The following FANK1 variants were observed in gnomAD, a reference collection of about 807,000 sequenced individuals.
The protein encoded by FANK1 is fibronectin type III and ankyrin repeat domains 1, also known as fibronectin type 3 and ankyrin repeat domains protein 1.
FANK1 carries 44 observed loss-of-function variants against 45.3 expected under a neutral mutation model. That is an observed-to-expected ratio of 0.97 (90% CI 0.76 to 1.25). The LOEUF (loss-of-function observed/expected upper bound fraction) is 1.25. FANK1 is among the 50% of genes most tolerant of loss of function. The probability of loss-of-function intolerance (pLI) is 0.00; values close to 1 mark genes in which losing one functional copy is unlikely to be tolerated. For synonymous variants in FANK1, 149 were observed against 152.5 expected (o/e 0.98, Z 0.17); for missense variants, 391 against 424.4 (o/e 0.92, Z 0.69).
At chr10:125,929,252 A>G (rs1947587822) in intron 1 of FANK1, among the ~76,000 whole-genome samples, 1 of 152,236 alleles carries the variant, frequency 6.6e-6, no homozygotes, top group Non-Finnish European at 1.5e-5. Context: ...CTGCACTGGG[A>G]ACAAAGGCTC....
At chr10:125,979,827 G>T (rs778282415) in intron 1 of FANK1, 43 of 478,444 alleles carry the variant, frequency 9.0e-5, no homozygotes, top group Non-Finnish European at 1.5e-4. Flanking sequence ...AGTCACTGAA[G>T]GATTACAGAA....
chr10:125,918,555 T>C (rs1589846788), intron 1 of FANK1, among the ~76,000 whole-genome samples: 1 of 1,502 alleles, frequency 6.7e-4, no homozygotes, highest in African/African-American at 1.2e-3. Flanking sequence ...AGCCTCTGTC[T>C]CAAAAAAAAA....
intron 4 of FANK1, among the ~76,000 whole-genome samples, chr10:125,996,058 GAAGGTTCC>G (rs1952304473): frequency 6.6e-6 from 1 of 152,224 alleles, no homozygotes; most frequent in Non-Finnish European, 1.5e-5. Context: ...GCTCTTAAGA[GAAGGTTCC>G]CACAAAAAGC....
intron 1 of FANK1, among the ~76,000 whole-genome samples, chr10:125,930,763 G>A (rs1369296303): frequency 3.3e-5 from 5 of 152,046 alleles, no homozygotes; most frequent in Non-Finnish European, 7.4e-5. Flanking sequence ...GGTGGTATTT[G>A]GTTACATGAG....
intron 6 of FANK1, among the ~76,000 whole-genome samples, chr10:126,002,763 C>CTTTTTTTTTTTT (rs375158618): frequency 1.8e-5 from 2 of 113,226 alleles, no homozygotes; most frequent in Non-Finnish European, 3.5e-5. Context: ...TTTGCCTCTC[C>CTTTTTTTTTTTT]TTTTTTTTTT....
intron 7 of FANK1, among the ~76,000 whole-genome samples, chr10:126,006,111 C>G (rs1953177006): frequency 6.6e-6 from 1 of 152,236 alleles, no homozygotes; most frequent in Admixed American, 6.5e-5. Flanking sequence ...AAGTTCTGTG[C>G]TATCTGTGAC....
At chr10:125,952,145 T>C (rs2134167899) in intron 1 of FANK1, among the ~76,000 whole-genome samples, 1 of 152,338 alleles carries the variant, frequency 6.6e-6, no homozygotes, top group Middle Eastern at 3.4e-3. Flanking sequence ...TATTTGGTGT[T>C]TGTGTCCTAC....
chr10:125,965,491 C>T (rs548871359), intron 1 of FANK1, among the ~76,000 whole-genome samples: 1 of 152,298 alleles, frequency 6.6e-6, no homozygotes, highest in South Asian at 2.1e-4. Flanking sequence ...TGTGCATTTC[C>T]ATAGAAGATC....
chr10:125,976,774 C>A (rs369097833), intron 1 of FANK1, among the ~76,000 whole-genome samples: 16 of 152,112 alleles, frequency 1.1e-4, no homozygotes, highest in African/African-American at 3.1e-4. Flanking sequence ...AGGTGCCTGC[C>A]ACTATGCCTG....
At chr10:126,005,754 G>A (rs951122051) in intron 7 of FANK1, among the ~76,000 whole-genome samples, 3 of 152,316 alleles carry the variant, frequency 2.0e-5, no homozygotes, top group African/African-American at 7.2e-5. Context: ...TGTGCTTCTT[G>A]TTACTTCTAA....
Position 125,914,280 on chromosome 10 carries a change from C to CATATAT in FANK1, c.13+17632_13+17637dup, listed in dbSNP as rs572373307. 3.4e-3 allele frequency among the ~76,000 whole-genome samples: 478 copies of CATATAT among 140,340 alleles called. 21 individuals are homozygous for CATATAT. Among genetic ancestry groups the CATATAT allele is most frequent in the African/African-American group, 0.013 (448 of 34,584 alleles). 92.1% of individuals were successfully genotyped at this position (140,340 alleles called of 152,430 possible). A position where few individuals can be genotyped will look rare whatever the true frequency, so the allele number is the denominator to read the frequency against. On this transcript the variant is annotated intron_variant, in intron 1 of 10. Coordinates refer to ENST00000368693, the MANE Select transcript of FANK1 (RefSeq NM_145235.5). ...GCTCCAGCTCAGCATCTTTGTATGC[C>CATATAT]ATATATATATATTTAAAAAGTCTCA...
At chr10:125,933,193 A>T (rs958431575) in intron 1 of FANK1, among the ~76,000 whole-genome samples, 1 of 151,896 alleles carries the variant, frequency 6.6e-6, no homozygotes, top group African/African-American at 2.4e-5. Flanking sequence ...TGATTTTGGT[A>T]TTAGGGTGAC....
Position 125,934,745 on chromosome 10 carries a change from T to G in FANK1, c.13+38090T>G, listed in dbSNP as rs1439772739. 9.9e-3 allele frequency among the ~76,000 whole-genome samples: 1,361 copies of G among 138,020 alleles called. 83 individuals are homozygous for G. Among genetic ancestry groups the G allele is most frequent in the African/African-American group, 0.035 (1,273 of 36,518 alleles). The allele number at this position is 138,020 out of a possible 152,430, so 90.5% of individuals were successfully genotyped here. A position where few individuals can be genotyped will look rare whatever the true frequency, so the allele number is the denominator to read the frequency against. The stretch of plus-strand genomic sequence containing the variant: ...TACCGTTTTTTTTTTTTTTTTTTTT[T>G]TTTTTTTTTTTTTTTTGCAAATCAC... On this transcript the variant is annotated intron_variant, in intron 1 of 10. Transcript: ENST00000368693.
At position 125,994,921 on chromosome 10, in the gene FANK1, C is replaced by T. The variant is rs1427066211; in HGVS notation, c.317-496C>T. ...TCCCCACCTTCCTGTGGGTCGAAGC[C>T]CTTCTGCCCCCAGAAGCTCAGAGAA... On this transcript the variant is annotated intron_variant, in intron 3 of 10. Transcript: ENST00000368693. 6.1e-6 allele frequency: 6 copies of T among 985,370 alleles called. No homozygotes were observed. In the African/African-American group the frequency reaches 7.0e-5, roughly 11 times the overall value. The allele number at this position is 985,370 out of a possible 1,614,324, so 61.0% of individuals were successfully genotyped here.
intron 3 of FANK1, chr10:125,994,430 T>C (rs1952164333): frequency 1.0e-6 from 1 of 985,228 alleles, no homozygotes; most frequent in Non-Finnish European, 1.2e-6. Flanking sequence ...CCAGGGATTA[T>C]AAACTCAAAC....
intron 1 of FANK1, among the ~76,000 whole-genome samples, chr10:125,927,114 A>G (rs1382735302): frequency 2.0e-5 from 3 of 152,128 alleles, no homozygotes; most frequent in South Asian, 2.1e-4. Context: ...TAAAATGACC[A>G]TCTTGTCTTT....
At chr10:125,971,626 G>T (rs1950517895) in intron 1 of FANK1, among the ~76,000 whole-genome samples, 1 of 151,814 alleles carries the variant, frequency 6.6e-6, no homozygotes, top group South Asian at 2.1e-4. Context: ...TTTCACCCTG[G>T]TCTACATTTT....
At chr10:125,902,500 C>T (rs2134102015) in intron 1 of FANK1, among the ~76,000 whole-genome samples, 1 of 152,320 alleles carries the variant, frequency 6.6e-6, no homozygotes, top group South Asian at 2.1e-4. Context: ...CATTATTCTA[C>T]AACACAAAGG....
intron 1 of FANK1, among the ~76,000 whole-genome samples, chr10:125,937,740 A>T (rs1460477366): frequency 6.6e-6 from 1 of 152,224 alleles, no homozygotes; most frequent in African/African-American, 2.4e-5. Flanking sequence ...TTTATAGTAT[A>T]TAGGTTTTGC....
Sources: allele counts gnomAD v4.1 joint callset (sites outside exome capture counted in the v4.1 genomes callset), GRCh38; gene constraint gnomAD v4.1.1; transcripts MANE v1.5; gene names NCBI Gene and HGNC (gene_info 2026-07-23, HGNC 2026-07-21).